Variants in ACSM3 observed in about 807,000 individuals in gnomAD.
ACSM3 encodes the protein acyl-CoA synthetase medium chain family member 3, also known as acyl-coenzyme A synthetase ACSM3, mitochondrial.
In ACSM3, 61 loss-of-function variants were observed where a neutral mutation model predicts 74.1. The ratio of observed to expected loss-of-function variants is 0.82; its 90% CI spans 0.67 to 1.02. ACSM3 has a LOEUF of 1.02. ACSM3 is among the 50% of genes least tolerant of loss of function. The probability of loss-of-function intolerance (pLI) is 0.00; values close to 1 mark genes in which losing one functional copy is unlikely to be tolerated. For synonymous variants in ACSM3, 213 were observed against 241.5 expected, an observed-to-expected ratio of 0.88 and a Z score of 1.09; for missense variants, 660 against 697.0, an observed-to-expected ratio of 0.95 and a Z score of 0.60.
At chr16:20,757,828 G>C (rs2080044066) in intron 3 of ACSM3, among the ~76,000 whole-genome samples, 2 of 151,504 alleles carry the variant, frequency 1.3e-5, no homozygotes, top group African/African-American at 4.8e-5. Context: ...CTAATTTATT[G>C]AGAGTTTTTA....
intron 2 of ACSM3, among the ~76,000 whole-genome samples, chr16:20,752,061 G>A (rs1418703324): frequency 6.6e-6 from 1 of 152,146 alleles, no homozygotes; most frequent in Admixed American, 6.5e-5. Context: ...AAAACACTTG[G>A]CATACAGAAA....
In ACSM3 at chr16:20,767,313, C is replaced by G. The variant is rs1456104004; in HGVS notation, c.-51-2671C>G. Among the ~76,000 whole-genome samples the G allele has an allele frequency of 1.1e-4, 2 of 17,842 alleles. 1 individual carries two copies. The highest frequency in any genetic ancestry group is 7.2e-4 in the Admixed American group (2 of 2,766). 11.7% of individuals were successfully genotyped at this position (17,842 alleles called of 152,430 possible). A position where few individuals can be genotyped will look rare whatever the true frequency, so the allele number is the denominator to read the frequency against. ...CGGGCGGATCACGAGGTCAGGAGAT[C>G]GAGACCATCCTGGCTAACACGGTGA... On this transcript the variant is annotated intron_variant, in intron 1 of 13. Coordinates refer to ENST00000289416, the MANE Select transcript of ACSM3 (RefSeq NM_005622.4).
intron 1 of ACSM3, among the ~76,000 whole-genome samples, chr16:20,715,293 G>A (rs1454192011): frequency 6.6e-6 from 1 of 152,140 alleles, no homozygotes; most frequent in Non-Finnish European, 1.5e-5. Context: ...AATATTTTCT[G>A]AAACTATTTT....
intron 1 of ACSM3, among the ~76,000 whole-genome samples, chr16:20,684,061 C>A (rs557514770): frequency 2.0e-5 from 3 of 152,180 alleles, no homozygotes; most frequent in African/African-American, 7.2e-5. Context: ...GTGCTGTACA[C>A]ATGATAAAAT....
intron 12 of ACSM3, 60 bp from the exon 13 acceptor site, chr16:20,796,310 A>C (rs1226889444): frequency 1.9e-6 from 3 of 1,580,124 alleles, no homozygotes; most frequent in African/African-American, 2.7e-5. Flanking sequence ...AGCAAACAAG[A>C]CATACTAAAA....
intron 1 of ACSM3, chr16:20,735,300 T>A (rs1046441834): frequency 2.0e-5 from 3 of 152,154 alleles, no homozygotes; most frequent in African/African-American, 7.2e-5. Flanking sequence ...TAGAGAACGC[T>A]TCCTCTGAGA....
intron 1 of ACSM3, among the ~76,000 whole-genome samples, chr16:20,695,440 G>C (rs936833469): frequency 6.6e-6 from 1 of 152,054 alleles, no homozygotes; most frequent in South Asian, 2.1e-4. Context: ...TAAGCCAGAG[G>C]AAAAAAATTT....
chr16:20,679,658 ATAC>A (rs1257388945), intron 1 of ACSM3: 1 of 152,164 alleles, frequency 6.6e-6, no homozygotes, highest in Non-Finnish European at 1.5e-5. Context: ...CACTGTGTAC[ATAC>A]TACCTGGGTA....
chr16:20,761,568 T>A (rs989386623), upstream of ACSM3, among the ~76,000 whole-genome samples: 1 of 152,036 alleles, frequency 6.6e-6, no homozygotes, highest in Non-Finnish European at 1.5e-5. Flanking sequence ...GTGTCAGAAG[T>A]GTTATTGTTA....
chr16:20,699,129 G>A (rs1233035350), intron 1 of ACSM3, among the ~76,000 whole-genome samples: 2 of 152,182 alleles, frequency 1.3e-5, no homozygotes, highest in East Asian at 1.9e-4. Flanking sequence ...GTAAAATGAA[G>A]CAGGATTTGT....
intron 9 of ACSM3, 135 bp downstream of exon 9, chr16:20,786,293 A>T (rs1163363077): frequency 7.1e-7 from 1 of 1,402,232 alleles, no homozygotes; most frequent in Non-Finnish European, 9.4e-7. Context: ...AATTTTTATA[A>T]ATATGTGAAA....
chr16:20,753,099 T>TA (rs1450229838), intron 2 of ACSM3, among the ~76,000 whole-genome samples: 5 of 150,684 alleles, frequency 3.3e-5, no homozygotes, highest in Non-Finnish European at 7.4e-5. Flanking sequence ...TATATATCAA[T>TA]AAAATGCAAT....
At chr16:20,791,932 A>G in intron 10 of ACSM3, 70 bp from the exon 11 acceptor site, 1 of 1,579,732 alleles carries the variant, frequency 6.3e-7, no homozygotes, top group Non-Finnish European at 8.6e-7. Flanking sequence ...TCTCGGAAAA[A>G]AAAAAAAAAA....
rs189333311 is a variant in ACSM3 at position 20,756,032 on chromosome 16, A to G, written c.-52+416A>G. Among the ~76,000 whole-genome samples the G allele has an allele frequency of 1.6e-3, 239 of 152,070 alleles. 2 individuals carry two copies. The highest frequency in any genetic ancestry group is 4.9e-3 in the Admixed American group (75 of 15,264). The stretch of plus-strand genomic sequence containing the variant: ...CCACATTTTCTTAATCCAGTCTGTC[A>G]TTGTTGGACATTTGGATTGGTTCCA... On this transcript the variant is annotated intron_variant, in intron 3 of 3. Coordinates refer to the ACSM3 transcript ENST00000561584.
At chr16:20,773,082 A>G (rs931457401) in intron 2 of ACSM3, among the ~76,000 whole-genome samples, 1 of 151,806 alleles carries the variant, frequency 6.6e-6, no homozygotes, top group South Asian at 2.1e-4. Context: ...TTATTGGTCT[A>G]TTCAGGTTTT....
In ACSM3 at chr16:20,746,531, C is replaced by T. The variant is rs539853266; in HGVS notation, c.-189-3379C>T. On this transcript the variant is annotated intron_variant, in intron 1 of 3. Transcript: ENST00000561584. Reference sequence around the variant, plus strand: ...ACATAAAATGCGTAAGACTGGCATGCCTTACCTCTGCCAGCTGGTTTCTGC... The same window carrying T: ...ACATAAAATGCGTAAGACTGGCATGTCTTACCTCTGCCAGCTGGTTTCTGC... Among the ~76,000 whole-genome samples, 4 of 152,278 alleles carry T rather than the reference C, an allele frequency of 2.6e-5. No individual in the cohort carries two copies. The South Asian group carries it at 8.3e-4, about 32-fold the overall frequency.
At chr16:20,692,693 T>G (rs2079665406) in intron 1 of ACSM3, among the ~76,000 whole-genome samples, 1 of 152,226 alleles carries the variant, frequency 6.6e-6, no homozygotes, top group African/African-American at 2.4e-5. Flanking sequence ...CAGGGCAATT[T>G]CAAGGTATGG....
intron 1 of ACSM3, chr16:20,737,301 G>C (rs760142974): frequency 6.3e-7 from 1 of 1,592,534 alleles, no homozygotes; most frequent in Admixed American, 1.8e-5. Flanking sequence ...AACAAAAACA[G>C]AAAAACACAT....
At chr16:20,759,279 T>TGG (rs1430269855), upstream of ACSM3, among the ~76,000 whole-genome samples, 1 of 152,140 alleles carries the variant, frequency 6.6e-6, no homozygotes, top group East Asian at 1.9e-4. Flanking sequence ...CAAAAGGGGC[T>TGG]GGGTGTGGTG....
Sources: allele counts gnomAD v4.1 joint callset (sites outside exome capture counted in the v4.1 genomes callset), GRCh38; gene constraint gnomAD v4.1.1; transcripts MANE v1.5; gene names NCBI Gene and HGNC (gene_info 2026-07-23, HGNC 2026-07-21).